Variants in FSTL4 observed in about 807,000 individuals in gnomAD.
The protein encoded by FSTL4 is follistatin-related protein 4.
A neutral mutation model predicts 78.2 loss-of-function variants in FSTL4; 28 were observed. That is an observed-to-expected ratio of 0.36 (90% confidence interval 0.27 to 0.49). The LOEUF is 0.49. Among genes scored for constraint, FSTL4 ranks in the 20% least tolerant of loss-of-function variants. The pLI, the probability that FSTL4 is intolerant of heterozygous loss-of-function variation, is 0.98. For synonymous variants in FSTL4, 422 were observed against 440.5 expected (o/e 0.96, Z 0.53); for missense variants, 922 against 1,084.9 (o/e 0.85, Z 2.11).
chr5:133,698,561 T>C, the FSTL4 span, among the ~76,000 whole-genome samples: 2 of 152,258 alleles, frequency 1.3e-5, no homozygotes, highest in African/African-American at 4.8e-5. Flanking sequence ...CGTGCAATAA[T>C]GTGTGACCAT....
the FSTL4 span, among the ~76,000 whole-genome samples, chr5:133,791,151 G>C: frequency 6.6e-6 from 1 of 152,124 alleles, no homozygotes; most frequent in Admixed American, 6.5e-5. Context: ...CCTGTCTGGA[G>C]TGCTCTTCAC....
the FSTL4 span, among the ~76,000 whole-genome samples, chr5:133,672,614 A>C: frequency 6.6e-6 from 1 of 152,238 alleles, no homozygotes; most frequent in South Asian, 2.1e-4. Context: ...AAAGACAACA[A>C]ATCAATGCAA....
chr5:133,445,343 G>A (rs915377927), intron 3 of FSTL4, among the ~76,000 whole-genome samples: 3 of 152,218 alleles, frequency 2.0e-5, no homozygotes, highest in Non-Finnish European at 4.4e-5. Context: ...AGGCCGGGGA[G>A]TGCTCCCTCA....
At chr5:133,289,317 C>G (rs577331440) in intron 6 of FSTL4, among the ~76,000 whole-genome samples, 1 of 152,174 alleles carries the variant, frequency 6.6e-6, no homozygotes, top group Non-Finnish European at 1.5e-5. Flanking sequence ...AAGTAGAGCC[C>G]TTTCCTTCTC....
chr5:133,251,281 C>G (rs576063143), intron 6 of FSTL4, among the ~76,000 whole-genome samples: 1 of 152,122 alleles, frequency 6.6e-6, no homozygotes, highest in Non-Finnish European at 1.5e-5. Context: ...AGCATTCTCC[C>G]CAAGAGTAGA....
At chr5:133,739,911 T>C in the FSTL4 span, among the ~76,000 whole-genome samples, 1 of 151,690 alleles carries the variant, frequency 6.6e-6, no homozygotes, top group African/African-American at 2.4e-5. Flanking sequence ...TTTTTTTTTT[T>C]TGACAGTGTC....
At chr5:133,232,520 A>T (rs73275906) in intron 8 of FSTL4, among the ~76,000 whole-genome samples, 9,353 of 152,156 alleles carry the variant, frequency 0.061, 985 homozygotes, top group African/African-American at 0.21. Context: ...TTACACCAAC[A>T]ATCACCCCCG....
chr5:133,300,350 C>T (rs531490687), intron 6 of FSTL4, among the ~76,000 whole-genome samples: 2 of 152,312 alleles, frequency 1.3e-5, no homozygotes, highest in South Asian at 4.1e-4. Context: ...CTAGAGCTTT[C>T]TAGATGCTGA....
intron 3 of FSTL4, among the ~76,000 whole-genome samples, chr5:133,419,286 A>C (rs541009564): frequency 6.6e-6 from 1 of 152,056 alleles, no homozygotes; most frequent in African/African-American, 2.4e-5. Context: ...TGCCCAGCTA[A>C]TTTTTGTATT....
intron 14 of FSTL4, chr5:133,207,716 T>TC: frequency 6.6e-6 from 1 of 151,204 alleles, no homozygotes; most frequent in Non-Finnish European, 1.5e-5. Flanking sequence ...TGATCTCGGC[T>TC]CACTGCAGCC....
intron 6 of FSTL4, among the ~76,000 whole-genome samples, chr5:133,310,622 T>A (rs1037027129): frequency 2.6e-5 from 4 of 152,224 alleles, no homozygotes; most frequent in Non-Finnish European, 5.9e-5. Flanking sequence ...AGCAGTGCTA[T>A]AATCTGCTTG....
At chr5:133,546,744 AG>A (rs1392246208) in intron 3 of FSTL4, among the ~76,000 whole-genome samples, 1 of 152,118 alleles carries the variant, frequency 6.6e-6, no homozygotes, top group African/African-American at 2.4e-5. Context: ...CACCCTCCAC[AG>A]GCTTGCTTCC....
At chr5:133,617,251 G>T (rs1278884892), upstream of FSTL4, among the ~76,000 whole-genome samples, 1 of 144,210 alleles carries the variant, frequency 6.9e-6, no homozygotes, top group Non-Finnish European at 1.5e-5. Context: ...GTGAGCCGAG[G>T]TCGTGCCACT....
At chr5:133,807,812 T>C in the FSTL4 span, among the ~76,000 whole-genome samples, 2 of 152,216 alleles carry the variant, frequency 1.3e-5, no homozygotes, top group South Asian at 4.1e-4. Flanking sequence ...CAGCTTAACT[T>C]ATGAGTGAAT....
intron 7 of FSTL4, among the ~76,000 whole-genome samples, chr5:133,240,606 T>C (rs1751835519): frequency 6.6e-6 from 1 of 152,144 alleles, no homozygotes; most frequent in East Asian, 1.9e-4. Flanking sequence ...GGGTGTCCTC[T>C]GGTGTGTGCG....
the FSTL4 span, among the ~76,000 whole-genome samples, chr5:133,747,569 G>A: frequency 6.6e-6 from 1 of 152,082 alleles, no homozygotes; most frequent in East Asian, 1.9e-4. Context: ...TCCAACATGA[G>A]GCTCCCAAAG....
chr5:133,793,167 C>A, the FSTL4 span, among the ~76,000 whole-genome samples: 1 of 152,204 alleles, frequency 6.6e-6, no homozygotes, highest in Non-Finnish European at 1.5e-5. Context: ...CAGCTGAGAC[C>A]TGGGGAGGGA....
At chr5:133,304,830 T>C (rs933525290) in intron 6 of FSTL4, among the ~76,000 whole-genome samples, 8 of 152,174 alleles carry the variant, frequency 5.3e-5, no homozygotes, top group Admixed American at 1.3e-4. Context: ...TGTGGTGTAA[T>C]GGGGGACAGA....
rs189363610 is a variant in FSTL4, at chr5:133,392,610, T to G, written c.409+8128A>C. Reference sequence around the variant, plus strand: ...AAGTTGCAGAAGTGGAGACAGCCAGTGCAGAAAATGCTCTGCGGCCTGACA... The same window carrying G: ...AAGTTGCAGAAGTGGAGACAGCCAGGGCAGAAAATGCTCTGCGGCCTGACA... On this transcript the variant is annotated intron_variant, in intron 4 of 15. Transcript: ENST00000265342. Among the ~76,000 whole-genome samples, 210 of 152,072 alleles carry G rather than the reference T, an allele frequency of 1.4e-3. 1 individual carries two copies. Among genetic ancestry groups the G allele is most frequent in the Non-Finnish European group, 2.4e-3 (165 of 68,008 alleles).
Sources: allele counts gnomAD v4.1 joint callset (sites outside exome capture counted in the v4.1 genomes callset), GRCh38; gene constraint gnomAD v4.1.1; transcripts MANE v1.5; gene names NCBI Gene and HGNC (gene_info 2026-07-23, HGNC 2026-07-21).